ZYG11B: variants seen among roughly 807,000 people sequenced by gnomAD.
The protein encoded by ZYG11B is protein zyg-11 homolog B.
In ZYG11B, 36 loss-of-function variants were observed where a neutral mutation model predicts 82.4. The ratio of observed to expected loss-of-function variants is 0.44; its 90% CI spans 0.33 to 0.58. The LOEUF (loss-of-function observed/expected upper bound fraction) is 0.58. Among genes scored for constraint, ZYG11B ranks in the 20% least tolerant of loss-of-function variants. The pLI, the probability that ZYG11B is intolerant of heterozygous loss-of-function variation, is 0.02. For missense variants in ZYG11B, 552 were observed against 895.6 expected, an observed-to-expected ratio of 0.62 and a Z score of 4.90; for synonymous variants, 303 against 312.8, an observed-to-expected ratio of 0.97 and a Z score of 0.33.
At chr1:52,782,503 C>G (rs1217673570) in intron 4 of ZYG11B, among the ~76,000 whole-genome samples, 2 of 152,168 alleles carry the variant, frequency 1.3e-5, no homozygotes, top group Non-Finnish European at 2.9e-5. Flanking sequence ...AATCTTCTGC[C>G]TCAACCTCTC....
chr1:52,768,750 C>T lies in ZYG11B; in HGVS notation c.197-2270C>T, dbSNP rs143660238. Among the ~76,000 whole-genome samples the T allele has an allele frequency of 2.5e-3, 373 of 152,150 alleles. 2 individuals carry two copies. Among genetic ancestry groups the T allele is most frequent in the African/African-American group, 8.3e-3 (344 of 41,510 alleles). On this transcript the variant is annotated intron_variant, in intron 2 of 13. Coordinates refer to ENST00000294353, the MANE Select transcript of ZYG11B (RefSeq NM_024646.3). ...CTGGTATTACAGGCGCGCACCACCACACCCATTTAATTTTTGCATTTTTAG... is the reference window on the plus strand; with the variant it reads ...CTGGTATTACAGGCGCGCACCACCATACCCATTTAATTTTTGCATTTTTAG...
At position 52,825,803 on chromosome 1, in the gene ZYG11B, A is replaced by G. The variant is rs1055100127; in HGVS notation, c.*4174A>G. On this transcript the variant is annotated 3_prime_UTR_variant, in exon 14 of 14. Transcript: ENST00000294353. ...GGCATGAGCCACAGTGCCTGGTCTTAGCTGTGTTTTTAATTATGCCATGCA... is the reference window on the plus strand; with the variant it reads ...GGCATGAGCCACAGTGCCTGGTCTTGGCTGTGTTTTTAATTATGCCATGCA... 1 of 152,100 alleles carries G rather than the reference A, an allele frequency of 6.6e-6. No individual in the cohort carries two copies. The highest frequency in any genetic ancestry group is 1.9e-4 in the East Asian group (1 of 5,174). The allele number at this position is 152,100 out of a possible 1,614,324, so 9.4% of individuals were successfully genotyped here.
intron 13 of ZYG11B, among the ~76,000 whole-genome samples, chr1:52,818,084 G>A (rs1046243632): frequency 2.7e-5 from 4 of 148,646 alleles, no homozygotes; most frequent in Non-Finnish European, 3.0e-5. Flanking sequence ...GTGATCCACC[G>A]ACCTCGGCCT....
chr1:52,783,610 CTTTTT>C (rs1156857504), intron 4 of ZYG11B, among the ~76,000 whole-genome samples: 5 of 131,550 alleles, frequency 3.8e-5, no homozygotes, highest in Admixed American at 7.7e-5. Flanking sequence ...TTCTTTCTTT[CTTTTT>C]TTTTTTTTTT....
intron 10 of ZYG11B, among the ~76,000 whole-genome samples, chr1:52,804,247 T>TA (rs201311616): frequency 1.6e-4 from 24 of 148,172 alleles, no homozygotes; most frequent in African/African-American, 2.2e-4. Context: ...CCCAGTCTCT[T>TA]AAAAAAAAAA....
chr1:52,804,135 GT>G (rs1366175419), intron 10 of ZYG11B, among the ~76,000 whole-genome samples: 2 of 152,040 alleles, frequency 1.3e-5, no homozygotes, highest in Non-Finnish European at 2.9e-5. Context: ...GTCCCAGCTA[GT>G]GGGGAGGCTC....
intron 12 of ZYG11B, 29 bp from the exon 13 acceptor site, chr1:52,816,503 A>G (rs1270701180): frequency 6.7e-7 from 1 of 1,488,498 alleles, no homozygotes; most frequent in Admixed American, 1.9e-5. Flanking sequence ...ATGGGATGTA[A>G]CTTTGATTCT....
intron 8 of ZYG11B, 74 bp from the exon 9 acceptor site, chr1:52,801,745 T>TG: frequency 2.4e-6 from 3 of 1,255,472 alleles, no homozygotes; most frequent in Non-Finnish European, 2.2e-6. Flanking sequence ...CTCATGGACT[T>TG]GGGGTTATTA....
At position 52,819,615 on chromosome 1, in the gene ZYG11B, A is replaced by G. The variant is rs554812603; in HGVS notation, c.2045-1824A>G. ...ATCCTGGCTAACATGGTGAAACCCC[A>G]TCTCTACTAAAAATACAAAAAATTA... On this transcript the variant is annotated intron_variant, in intron 13 of 13. Transcript: ENST00000294353. 5.3e-5 allele frequency among the ~76,000 whole-genome samples: 8 copies of G among 151,942 alleles called. No homozygotes were observed. The East Asian group carries it at 7.9e-4, about 15-fold the overall frequency.
intron 10 of ZYG11B, among the ~76,000 whole-genome samples, chr1:52,811,048 A>T (rs1024408797): frequency 9.1e-6 from 1 of 109,432 alleles, no homozygotes; most frequent in East Asian, 6.3e-4. Flanking sequence ...AAAAAAAAAA[A>T]AAAAGAGAAA....
At chr1:52,737,430 A>C (rs1404476600) in intron 1 of ZYG11B, among the ~76,000 whole-genome samples, 1 of 152,172 alleles carries the variant, frequency 6.6e-6, no homozygotes, top group African/African-American at 2.4e-5. Flanking sequence ...TGTCATAAGC[A>C]CTTAGCATAG....
chr1:52,746,851 G>T (rs1420547057), intron 1 of ZYG11B, among the ~76,000 whole-genome samples: 4 of 149,498 alleles, frequency 2.7e-5, no homozygotes, highest in Middle Eastern at 3.4e-3. Flanking sequence ...ACAGATCTGG[G>T]TTAAATCTGG....
At position 52,771,227 on chromosome 1, in the gene ZYG11B, A is replaced by G; in HGVS notation, c.404A>G (p.Gln135Arg). The G allele has an allele frequency of 6.2e-7, 1 of 1,614,252 alleles. No homozygotes were observed. Among genetic ancestry groups the G allele is most frequent in the Non-Finnish European group, 8.5e-7 (1 of 1,180,044 alleles). ...ISGLGSNKWIQQNLQCLVLNS... is the reference protein window; with the variant it reads ...ISGLGSNKWIRQNLQCLVLNS... ...GGGCTTGGCAGTAACAAATGGATCC[A>G]GCAGAATCTCCAGTGCCTGGTGCTG... Residue 135 changes from glutamine (Q) to arginine (R), a missense_variant, in exon 3 of 14, where the codon CAG (glutamine) becomes CGG (arginine). By Grantham distance (43) the Gln-to-Arg change is conservative. Coordinates refer to ENST00000294353, the MANE Select transcript of ZYG11B (RefSeq NM_024646.3). This position sits in a 1 kb window ranked among gnomAD's most constrained non-coding sequence, Gnocchi z 5.4.
chr1:52,808,883 C>T (rs1304709089), intron 10 of ZYG11B, among the ~76,000 whole-genome samples: 3 of 152,144 alleles, frequency 2.0e-5, no homozygotes, highest in Non-Finnish European at 4.4e-5. Flanking sequence ...TAATCTGCTA[C>T]AATGCCATCT....
At chr1:52,792,268 A>AT (rs1441258592) in intron 6 of ZYG11B, among the ~76,000 whole-genome samples, 2 of 152,158 alleles carry the variant, frequency 1.3e-5, no homozygotes, top group African/African-American at 4.8e-5. Context: ...ATGAGACAGA[A>AT]TTTTTCATAG....
At chr1:52,821,407 C>T in intron 13 of ZYG11B, 32 bp from the exon 14 acceptor site, 2 of 1,520,392 alleles carry the variant, frequency 1.3e-6, no homozygotes, top group South Asian at 1.3e-5. Flanking sequence ...GCTATTTCTC[C>T]TGTTTTGTGT....
intron 2 of ZYG11B, among the ~76,000 whole-genome samples, chr1:52,769,320 AAAAAT>A (rs1317459965): frequency 1.3e-5 from 2 of 152,236 alleles, no homozygotes; most frequent in African/African-American, 2.4e-5. Flanking sequence ...GGCCACATAA[AAAAAT>A]AAAAAGAAAA....
chr1:52,763,473 G>A (rs1205320328), intron 2 of ZYG11B, among the ~76,000 whole-genome samples: 1 of 151,994 alleles, frequency 6.6e-6, no homozygotes, highest in Non-Finnish European at 1.5e-5. Context: ...GTGCTGTGGT[G>A]TGATCTTGGC....
rs144509303 is a variant in ZYG11B, at chr1:52,775,753, T to C, written c.951+3979T>C. Among the ~76,000 whole-genome samples, 10 of 150,854 alleles carry C rather than the reference T, an allele frequency of 6.6e-5. No homozygotes were observed. In the East Asian group the frequency reaches 2.0e-3, roughly 30 times the overall value. ...TATCCCTGCTCTTGAGGAATTCTAG[T>C]CTAGTGGAGAAGATACAGACTAATT... On this transcript the variant is annotated intron_variant, in intron 3 of 13. Coordinates refer to ENST00000294353, the MANE Select transcript of ZYG11B (RefSeq NM_024646.3).
Sources: allele counts gnomAD v4.1 joint callset (sites outside exome capture counted in the v4.1 genomes callset), GRCh38; gene constraint gnomAD v4.1.1; non-coding constraint Gnocchi (gnomAD v3.1); transcripts MANE v1.5; gene names NCBI Gene and HGNC (gene_info 2026-07-23, HGNC 2026-07-21).